The following DHX36 variants were observed in gnomAD, a reference collection of about 807,000 sequenced individuals.
DHX36 encodes ATP-dependent DNA/RNA helicase DHX36.
In DHX36, 50 loss-of-function variants were observed where a neutral mutation model predicts 139.0. That is an observed-to-expected ratio of 0.36 (90% CI 0.29 to 0.46). The LOEUF is 0.46. Ranked by LOEUF, DHX36 falls within the 20% of genes least tolerant of loss-of-function variation. The pLI is 1.00. For missense variants in DHX36, 1,024 were observed against 1,211.3 expected (o/e 0.85, Z 2.29); for synonymous variants, 425 against 401.9 (o/e 1.06, Z -0.69).
chr3:154,287,737 T>C (rs1711597458), intron 17 of DHX36, among the ~76,000 whole-genome samples: 1 of 151,862 alleles, frequency 6.6e-6, no homozygotes, highest in Non-Finnish European at 1.5e-5. Flanking sequence ...AGATATGCAA[T>C]ATACAACCAA....
At position 154,303,393 on chromosome 3, in the gene DHX36, G is replaced by C. The variant is rs1712377757; in HGVS notation, c.1153C>G (p.His385Asp). The C allele has an allele frequency of 6.2e-7, 1 of 1,604,770 alleles. No individual in the cohort carries two copies. Among genetic ancestry groups the C allele is most frequent in the Non-Finnish European group, 8.5e-7 (1 of 1,176,384 alleles). ...ACCGGAAAGGTAAAACCAGGTATAT[G>C]TATCATTGGACAGTTACCTATTACG... ...SEYFGNCPMI[H>D]IPGFTFPVVE... Residue 385 changes from histidine to aspartate, a missense_variant, in exon 9 of 25, where the codon CAT becomes GAT. Transcript: ENST00000496811.
chr3:154,322,868 C>G (rs905559623), intron 1 of DHX36, among the ~76,000 whole-genome samples: 4 of 152,166 alleles, frequency 2.6e-5, no homozygotes, highest in African/African-American at 9.7e-5. Flanking sequence ...ACGTCCGTAT[C>G]CTGATTTTCA....
Position 154,315,099 on chromosome 3 carries a change from AT to A in DHX36, c.549del (p.Lys183AsnfsTer35). ...ENEPDGTLDQ[K>X]LLEDLQKKKN... ...TTTTTCTTTTGTAAATCTTCCAATA[AT>A]TTTTGGTCTAAAGTTCCATCTGGTT... On this transcript the variant is annotated frameshift_variant, in exon 3 of 25. Coordinates refer to ENST00000496811, the MANE Select transcript of DHX36 (RefSeq NM_020865.3). LOFTEE classifies it high-confidence loss of function. The A allele has an allele frequency of 6.2e-7, 1 of 1,612,370 alleles. No individual in the cohort carries two copies.
intron 16 of DHX36, among the ~76,000 whole-genome samples, 162 bp from the exon 17 acceptor site, chr3:154,289,126 A>T (rs1442657462): frequency 6.6e-6 from 1 of 152,168 alleles, no homozygotes; most frequent in Non-Finnish European, 1.5e-5. Flanking sequence ...TTCTATAAAA[A>T]CATGTTTAAA....
rs557773398 is a variant in DHX36, at chr3:154,292,851, G to C, written c.1671-157C>G. Among the ~76,000 whole-genome samples the C allele has an allele frequency of 4.0e-5, 6 of 151,668 alleles. No individual in the cohort carries two copies. In the South Asian group the frequency reaches 1.2e-3, roughly 32 times the overall value. On this transcript the variant is annotated intron_variant, in intron 14 of 24. Transcript: ENST00000496811. Reference sequence around the variant, plus strand: ...ACATCAAATGATTTTAGCCATTCAGGATTTTCACTACTCTTCACACCCACA... The same window carrying C: ...ACATCAAATGATTTTAGCCATTCAGCATTTTCACTACTCTTCACACCCACA...
At chr3:154,308,441 G>A (rs1483080688) in intron 5 of DHX36, among the ~76,000 whole-genome samples, 2 of 151,990 alleles carry the variant, frequency 1.3e-5, no homozygotes, top group African/African-American at 4.8e-5. Context: ...GAATTATATA[G>A]CATAAATAAA....
At position 154,288,925 on chromosome 3, in the gene DHX36, A is replaced by G. The variant is rs148341599; in HGVS notation, c.1972T>C (p.Leu658=). 4.9e-5 allele frequency: 78 copies of G among 1,589,510 alleles called. No individual in the cohort carries two copies. The highest frequency in any genetic ancestry group is 9.3e-5 in the South Asian group (8 of 85,608). The stretch of plus-strand genomic sequence containing the variant: ...GCCTCATTTGATGGTGGGTCCATTA[A>G]TCTACTCAGAAAATAAGCAATTCCA... ...LGGIAYFLSR[L]MDPPSNEAVL... is the part of the protein sequence containing the mutation. The change falls in exon 17 of 25, where the codon TTA becomes CTA. Residue 658 remains leucine, a synonymous_variant. Coordinates refer to ENST00000496811, the MANE Select transcript of DHX36 (RefSeq NM_020865.3).
rs1183250657 is a variant in DHX36, at chr3:154,276,733, A to G, written c.2841+14T>C. On this transcript the variant is annotated intron_variant, in intron 24 of 24. Transcript: ENST00000496811. ...TTACATGTAGATTTAAGATAATCAC[A>G]TAAAGTCAGTCACCTTAACAAGATG... The G allele has an allele frequency of 6.2e-7, 1 of 1,612,414 alleles. No homozygotes were observed. The highest frequency in any genetic ancestry group is 1.3e-5 in the African/African-American group (1 of 74,892).
intron 22 of DHX36, 88 bp from the exon 23 acceptor site, chr3:154,277,806 A>G: frequency 1.6e-6 from 2 of 1,267,464 alleles, no homozygotes; most frequent in Non-Finnish European, 2.1e-6. Flanking sequence ...CTGATAGAAG[A>G]GCTTGGTAAA....
chr3:154,324,427 G>A lies in DHX36; in HGVS notation c.-11C>T, dbSNP rs755888701. On this transcript the variant is annotated 5_prime_UTR_variant, in exon 1 of 25. Coordinates refer to ENST00000496811, the MANE Select transcript of DHX36 (RefSeq NM_020865.3). Reference sequence around the variant, plus strand: ...GTAGTCATAACTCATTGTCCTGGCAGACTACAACCCGTCAGAACCAGCAAC... The same window carrying A: ...GTAGTCATAACTCATTGTCCTGGCAAACTACAACCCGTCAGAACCAGCAAC... 2.7e-6 allele frequency: 4 copies of A among 1,488,960 alleles called. No individual in the cohort carries two copies. The African/African-American group carries it at 4.2e-5, about 16-fold the overall frequency. The allele number at this position is 1,488,960 out of a possible 1,614,324, so 92.2% of individuals were successfully genotyped here. A position where few individuals can be genotyped will look rare whatever the true frequency, so the allele number is the denominator to read the frequency against.
Position 154,316,054 on chromosome 3 carries a change from G to A in DHX36, c.353C>T (p.Ala118Val), listed in dbSNP as rs767599231. The change falls in exon 2 of 25, where the codon GCT becomes GTT. Residue 118 changes from alanine (A) to valine (V), a missense_variant. Physicochemically the swap from Ala to Val is moderately conservative, Grantham distance 64. Around this residue, in one of 4 missense-constraint regions of DHX36, gnomAD observed 293 missense variants for 274.4 expected, o/e 1.07. Coordinates refer to ENST00000496811, the MANE Select transcript of DHX36 (RefSeq NM_020865.3). ...CTTGTCGTACCCATGATCCTCAGGA[G>A]CAAACCAGGATATCTGTGCTTCTGA... ...KESEAQISWF[A>V]PEDHGYGTEV... is the part of the protein sequence containing the mutation. The A allele has an allele frequency of 1.2e-6, 2 of 1,612,846 alleles. No individual in the cohort carries two copies. Among genetic ancestry groups the A allele is most frequent in the Non-Finnish European group, 1.7e-6 (2 of 1,179,440 alleles).
chr3:154,290,605 A>G (rs1358871364), intron 15 of DHX36, among the ~76,000 whole-genome samples: 4 of 143,004 alleles, frequency 2.8e-5, no homozygotes, highest in Non-Finnish European at 6.0e-5. Flanking sequence ...CATGTACTCC[A>G]GTCTGGTGAC....
rs1360522869 is a variant in DHX36, at chr3:154,289,790, A to G, written c.1851T>C (p.Gly617=). 1.9e-6 allele frequency: 3 copies of G among 1,612,710 alleles called. No individual in the cohort carries two copies. In the East Asian group the frequency reaches 6.7e-5, roughly 36 times the overall value. ...AGTCATCTAGAAGACTTGCTCTAAG[A>G]CCATTATACAGATGATAGCAATGAC... is the stretch of plus-strand genomic sequence containing the variant. ...QPGHCYHLYN[G]LRASLLDDYQ... Residue 617 remains glycine, a synonymous_variant, in exon 16 of 25, where the codon GGT becomes GGC. Coordinates refer to ENST00000496811, the MANE Select transcript of DHX36 (RefSeq NM_020865.3).
At chr3:154,309,372 A>G (rs948460695) in intron 5 of DHX36, among the ~76,000 whole-genome samples, 1 of 152,182 alleles carries the variant, frequency 6.6e-6, no homozygotes, top group Non-Finnish European at 1.5e-5. Context: ...TGAAGCTTGT[A>G]ATCAATTCTA....
chr3:154,302,149 A>G (rs1446865734), intron 9 of DHX36, among the ~76,000 whole-genome samples: 1 of 152,200 alleles, frequency 6.6e-6, no homozygotes, highest in African/African-American at 2.4e-5. Flanking sequence ...CATAGTACCA[A>G]AAGAGGAACT....
chr3:154,318,863 T>C (rs1713085386), intron 1 of DHX36, among the ~76,000 whole-genome samples: 1 of 152,214 alleles, frequency 6.6e-6, no homozygotes, highest in African/African-American at 2.4e-5. Flanking sequence ...CCATATCCTA[T>C]ACTTCTTGCA....
At position 154,300,714 on chromosome 3, in the gene DHX36, A is replaced by G; in HGVS notation, c.1359-18T>C. On this transcript the variant is annotated intron_variant, in intron 10 of 24. Coordinates refer to ENST00000496811, the MANE Select transcript of DHX36 (RefSeq NM_020865.3). ...CAGAATACCTATCAAAGTTAAACAC[A>G]AAGTCATGAAATACTTAATCAAGTT... 4 of 1,571,126 alleles carry G rather than the reference A, an allele frequency of 2.5e-6. No individual in the cohort carries two copies. The highest frequency in any genetic ancestry group is 3.5e-6 in the Non-Finnish European group (4 of 1,149,330).
chr3:154,273,723 T>C lies in DHX36; in HGVS notation c.*2448A>G, dbSNP rs1719064023. 6.6e-6 allele frequency: 1 copy of C among 152,246 alleles called. No individual in the cohort carries two copies. The highest frequency in any genetic ancestry group is 1.5e-5 in the Non-Finnish European group (1 of 68,040). The allele number at this position is 152,246 out of a possible 1,614,324, so 9.4% of individuals were successfully genotyped here. A position where few individuals can be genotyped will look rare whatever the true frequency, so the allele number is the denominator to read the frequency against. ...CATTCCCAGGATTGGGAGCAGTACC[T>C]GAACAAGTGCTGTTAATGGATCACT... is the stretch of plus-strand genomic sequence containing the variant. On this transcript the variant is annotated 3_prime_UTR_variant, in exon 25 of 25. Coordinates refer to ENST00000496811, the MANE Select transcript of DHX36 (RefSeq NM_020865.3).
intron 9 of DHX36, among the ~76,000 whole-genome samples, chr3:154,302,245 TTG>T (rs1198197718): frequency 6.6e-6 from 1 of 152,152 alleles, no homozygotes; most frequent in Non-Finnish European, 1.5e-5. Context: ...TTCCCAGAGT[TTG>T]TGTGTGTTTG....
Sources: allele counts gnomAD v4.1 joint callset (sites outside exome capture counted in the v4.1 genomes callset), GRCh38; gene constraint gnomAD v4.1.1; regional missense constraint gnomAD v4.1.1; transcripts MANE v1.5; gene names NCBI Gene and HGNC (gene_info 2026-07-23, HGNC 2026-07-21).